The following POLQ variants were observed in gnomAD, a reference collection of about 807,000 sequenced individuals.
POLQ encodes the protein DNA polymerase theta, also known as epididymis secretory sperm binding protein.
POLQ carries 233 observed loss-of-function variants against 259.2 expected under a neutral mutation model. That is an observed-to-expected ratio of 0.90 (90% CI 0.81 to 1.00). POLQ has a LOEUF of 1.00. Ranked by LOEUF, POLQ falls within the 50% of genes least tolerant of loss-of-function variation. The pLI, the probability that POLQ is intolerant of heterozygous loss-of-function variation, is 0.00. For synonymous variants in POLQ, 1,025 were observed against 1,048.8 expected, an observed-to-expected ratio of 0.98 and a Z score of 0.44; for missense variants, 2,871 against 3,051.6, an observed-to-expected ratio of 0.94 and a Z score of 1.39.
At chr3:121,476,781 T>C (rs1322079286) in intron 19 of POLQ, 48 bp from the exon 20 acceptor site, 1 of 1,305,966 alleles carries the variant, frequency 7.7e-7, no homozygotes, top group African/African-American at 1.5e-5. Context: ...GCTAAGTGGC[T>C]AGATCAGCAG....
In POLQ at chr3:121,478,843, A is replaced by G. The variant is rs185781947; in HGVS notation, c.6212-2110T>C. ...GAAGACAAATCATTTTTAAACACAT[A>G]CACACCTAATAAAGTGGCCTCAAAA... On this transcript the variant is annotated intron_variant, in intron 19 of 29. Coordinates refer to ENST00000264233, the MANE Select transcript of POLQ (RefSeq NM_199420.4). Among the ~76,000 whole-genome samples, 384 of 152,328 alleles carry G rather than the reference A, an allele frequency of 2.5e-3. 4 individuals carry two copies. Among genetic ancestry groups the G allele is most frequent in the Non-Finnish European group, 4.7e-3 (318 of 68,020 alleles).
At chr3:121,543,775 G>T (rs1286048428) in intron 2 of POLQ, among the ~76,000 whole-genome samples, 2 of 152,104 alleles carry the variant, frequency 1.3e-5, no homozygotes, top group East Asian at 3.8e-4. Context: ...CCTGAGGTCA[G>T]GAGTTCGAGA....
intron 1 of POLQ, 101 bp from the exon 2 acceptor site, chr3:121,545,007 A>T: frequency 1.5e-6 from 1 of 654,124 alleles, no homozygotes; most frequent in Non-Finnish European, 2.6e-6. Context: ...TGTTGAAATG[A>T]AGCTCTTTAA....
intron 4 of POLQ, among the ~76,000 whole-genome samples, chr3:121,538,315 CT>C (rs2048464945): frequency 6.6e-6 from 1 of 152,020 alleles, no homozygotes; most frequent in African/African-American, 2.4e-5. Context: ...AATGTATATA[CT>C]TGGAATAATT....
chr3:121,440,034 A>G lies in POLQ; in HGVS notation c.7347T>C (p.Tyr2449=). ...FVQTILGRRR[Y]LPGIKDNNPY... ...GGTTGTTGTCTTTGATTCCTGGCAA[A>G]TATCTACGCCTTCCCAAAATGGTCT... Residue 2449 remains tyrosine, a synonymous_variant, in exon 27 of 30, where the codon TAT becomes TAC. Transcript: ENST00000264233. The G allele has an allele frequency of 6.2e-7, 1 of 1,613,620 alleles. No individual in the cohort carries two copies. The highest frequency in any genetic ancestry group is 8.5e-7 in the Non-Finnish European group (1 of 1,179,590).
At chr3:121,534,428 C>T (rs1256476563) in intron 5 of POLQ, among the ~76,000 whole-genome samples, 1 of 151,782 alleles carries the variant, frequency 6.6e-6, no homozygotes, top group Non-Finnish European at 1.5e-5. Flanking sequence ...CTCCAGGGTT[C>T]AAGTGATTCT....
Position 121,431,751 on chromosome 3 carries a change from C to CA in POLQ, c.*552dup, listed in dbSNP as rs1209600547. 6.6e-6 allele frequency: 1 copy of CA among 152,610 alleles called. No individual in the cohort carries two copies. Among genetic ancestry groups the CA allele is most frequent in the Non-Finnish European group, 1.5e-5 (1 of 68,044 alleles). 9.5% of individuals were successfully genotyped at this position (152,610 alleles called of 1,614,324 possible). A position where few individuals can be genotyped will look rare whatever the true frequency, so the allele number is the denominator to read the frequency against. On this transcript the variant is annotated 3_prime_UTR_variant, in exon 30 of 30. Coordinates refer to ENST00000264233, the MANE Select transcript of POLQ (RefSeq NM_199420.4). ...AACATTTCATGAATATTCATTCCTA[C>CA]ACTCCAACCATACCAAGTCTTACTA...
chr3:121,523,956 A>C (rs1447491854), intron 7 of POLQ, among the ~76,000 whole-genome samples: 1 of 152,122 alleles, frequency 6.6e-6, no homozygotes, highest in Non-Finnish European at 1.5e-5. Flanking sequence ...TTTTTACTTC[A>C]AAAAAAGACA....
chr3:121,494,695 G>A, intron 14 of POLQ: 8 of 1,580,740 alleles, frequency 5.1e-6, no homozygotes, highest in Non-Finnish European at 6.9e-6. Flanking sequence ...TAGTCCACAG[G>A]AAGACCTGCA....
At position 121,479,361 on chromosome 3, in the gene POLQ, A is replaced by ATGTGTGTGT. The variant is rs1560094485; in HGVS notation, c.6211+2210_6211+2211insACACACACA. ...ACCCTCATCTCTACAAAAAAAAAAA[A>ATGTGTGTGT]ATGTGTGTGTGTGTGTGTGTGTGTG... On this transcript the variant is annotated intron_variant, in intron 19 of 29. Coordinates refer to ENST00000264233, the MANE Select transcript of POLQ (RefSeq NM_199420.4). 1.5e-4 allele frequency among the ~76,000 whole-genome samples: 11 copies of ATGTGTGTGT among 71,750 alleles called. No homozygotes were observed. The East Asian group carries it at 6.1e-3, about 40-fold the overall frequency. The allele number at this position is 71,750 out of a possible 152,430, so 47.1% of individuals were successfully genotyped here.
At chr3:121,455,681 C>A (rs966673783) in intron 25 of POLQ, among the ~76,000 whole-genome samples, 4 of 152,116 alleles carry the variant, frequency 2.6e-5, no homozygotes, top group Non-Finnish European at 5.9e-5. Flanking sequence ...AAGACTAAAC[C>A]AGGAAGAAGT....
intron 11 of POLQ, 47 bp downstream of exon 11, chr3:121,509,992 C>T (rs765703362): frequency 4.1e-6 from 6 of 1,450,206 alleles, no homozygotes; most frequent in South Asian, 3.4e-5. Context: ...TACAACCTCA[C>T]TAAAGAAGAA....
chr3:121,466,414 G>GAC (rs1553804288), intron 24 of POLQ, among the ~76,000 whole-genome samples: 2 of 149,180 alleles, frequency 1.3e-5, no homozygotes, highest in Non-Finnish European at 3.0e-5. Context: ...ACCTTAGCCA[G>GAC]GCGCAGTGGC....
intron 4 of POLQ, among the ~76,000 whole-genome samples, chr3:121,539,018 C>T (rs1361939582): frequency 6.6e-6 from 1 of 152,138 alleles, no homozygotes; most frequent in Admixed American, 6.6e-5. Context: ...CCTACCATTT[C>T]CATGCTAAAT....
intron 19 of POLQ, 116 bp downstream of exon 19, chr3:121,481,450 AAGCACT>A (rs1409505717): frequency 3.4e-6 from 3 of 884,358 alleles, no homozygotes; most frequent in Non-Finnish European, 5.1e-6. Context: ...TACAGAAAAA[AAGCACT>A]AGACAATCCA....
chr3:121,502,620 A>G (rs1010248423), intron 12 of POLQ, among the ~76,000 whole-genome samples: 1 of 152,232 alleles, frequency 6.6e-6, no homozygotes, highest in Non-Finnish European at 1.5e-5. Flanking sequence ...AGGAAATGAC[A>G]AGAGATGGTG....
intron 3 of POLQ, among the ~76,000 whole-genome samples, chr3:121,540,911 A>G (rs2048484793): frequency 1.7e-5 from 2 of 119,372 alleles, no homozygotes; most frequent in African/African-American, 6.3e-5. Flanking sequence ...TTTTTTTTTG[A>G]GACAGAGTCT....
intron 19 of POLQ, among the ~76,000 whole-genome samples, chr3:121,479,351 A>C (rs76605223): frequency 1.6e-5 from 2 of 123,154 alleles, no homozygotes; most frequent in Non-Finnish European, 3.4e-5. Flanking sequence ...CATCTCTACA[A>C]AAAAAAAAAA....
rs1208995780 is a variant in POLQ at position 121,531,017 on chromosome 3, G to A, written c.961-1225C>T. The stretch of plus-strand genomic sequence containing the variant: ...AGCCTGACCAACATGGAGAAGCTCC[G>A]CCTCTAGTAAAAATACAAAATTAGT... On this transcript the variant is annotated intron_variant, in intron 6 of 29. Transcript: ENST00000264233. Among the ~76,000 whole-genome samples the A allele has an allele frequency of 2.6e-5, 4 of 152,142 alleles. No individual in the cohort carries two copies. The South Asian group carries it at 6.2e-4, about 24-fold the overall frequency.
Sources: allele counts gnomAD v4.1 joint callset (sites outside exome capture counted in the v4.1 genomes callset), GRCh38; gene constraint gnomAD v4.1.1; transcripts MANE v1.5; gene names NCBI Gene and HGNC (gene_info 2026-07-23, HGNC 2026-07-21).